JAK2: variants seen among roughly 807,000 people sequenced by gnomAD.
The protein encoded by JAK2 is tyrosine-protein kinase JAK2.
A neutral mutation model predicts 139.3 loss-of-function variants in JAK2; 86 were observed. That is an observed-to-expected ratio of 0.62 (90% CI 0.52 to 0.74). The LOEUF (loss-of-function observed/expected upper bound fraction) is 0.74, where lower values mean the gene tolerates loss of function less well. Among genes scored for constraint, JAK2 ranks in the 30% least tolerant of loss-of-function variants. JAK2 has a pLI of 0.00. For missense variants in JAK2, 1,421 were observed against 1,360.3 expected, an observed-to-expected ratio of 1.04 and a Z score of -0.70; for synonymous variants, 490 against 437.7, an observed-to-expected ratio of 1.12 and a Z score of -1.49.
At chr9:5,062,131 AT>A (rs888233844) in intron 8 of JAK2, among the ~76,000 whole-genome samples, 1 of 151,784 alleles carries the variant, frequency 6.6e-6, no homozygotes, top group Admixed American at 6.6e-5. Flanking sequence ...CTTATATGCA[AT>A]TTTTTTTCAG....
chr9:5,121,222 A>T (rs1325837595), intron 22 of JAK2, among the ~76,000 whole-genome samples: 1 of 152,196 alleles, frequency 6.6e-6, no homozygotes, highest in East Asian at 1.9e-4. Context: ...TTAGAGCAGG[A>T]TGTGATGTGT....
intron 7 of JAK2, 107 bp from the exon 8 acceptor site, chr9:5,055,562 C>T: frequency 1.1e-6 from 1 of 871,324 alleles, no homozygotes. Context: ...TTATCAATAC[C>T]TTTTTTATTT....
At chr9:5,001,787 G>A (rs913114521) in intron 2 of JAK2, among the ~76,000 whole-genome samples, 1 of 151,864 alleles carries the variant, frequency 6.6e-6, no homozygotes, top group Non-Finnish European at 1.5e-5. Flanking sequence ...ACTTTCCCAG[G>A]GAAGTCACTT....
At chr9:5,087,892 TTA>T (rs770896278) in intron 19 of JAK2, among the ~76,000 whole-genome samples, 1 of 152,250 alleles carries the variant, frequency 6.6e-6, no homozygotes, top group Non-Finnish European at 1.5e-5. Context: ...TAGTGTACAT[TTA>T]TGTTTCCAAT....
chr9:5,041,855 C>A lies in JAK2; in HGVS notation c.351-2548C>A, dbSNP rs1816561145. The stretch of plus-strand genomic sequence containing the variant: ...CCACCAATGGGGAGCTGAACGCGGA[C>A]GACCCCATGGCCGGCCACTCCAGCG... On this transcript the variant is annotated intron_variant, in intron 4 of 24. Transcript: ENST00000381652. 3 of 466,006 alleles carry A rather than the reference C, an allele frequency of 6.4e-6. No homozygotes were observed. In the Admixed American group the frequency reaches 7.2e-5, roughly 11 times the overall value. 28.9% of individuals were successfully genotyped at this position (466,006 alleles called of 1,614,324 possible). A position where few individuals can be genotyped will look rare whatever the true frequency, so the allele number is the denominator to read the frequency against.
At chr9:5,117,281 T>A (rs1255295859) in intron 22 of JAK2, among the ~76,000 whole-genome samples, 1 of 152,236 alleles carries the variant, frequency 6.6e-6, no homozygotes, top group Non-Finnish European at 1.5e-5. Context: ...CAGTACATCA[T>A]GTTAATGAGT....
chr9:4,992,224 T>C (rs546493992), intron 2 of JAK2, among the ~76,000 whole-genome samples: 12 of 152,328 alleles, frequency 7.9e-5, no homozygotes, highest in African/African-American at 2.9e-4. Flanking sequence ...AACTGGAGCA[T>C]GTACATGTGG....
intron 8 of JAK2, among the ~76,000 whole-genome samples, chr9:5,058,884 T>A (rs111283471): frequency 9.7e-4 from 148 of 151,968 alleles, no homozygotes; most frequent in African/African-American, 3.3e-3. Flanking sequence ...TTTAATCAGG[T>A]TTTTTTTGCT....
At chr9:5,031,854 T>C (rs2130173667) in intron 4 of JAK2, among the ~76,000 whole-genome samples, 1 of 152,354 alleles carries the variant, frequency 6.6e-6, no homozygotes, top group Admixed American at 6.5e-5. Flanking sequence ...GGGTGATTTC[T>C]GCATTTCCAA....
At chr9:5,019,551 A>T (rs532644214) in intron 2 of JAK2, among the ~76,000 whole-genome samples, 1 of 152,054 alleles carries the variant, frequency 6.6e-6, no homozygotes, top group African/African-American at 2.4e-5. Context: ...TTGCATTGGA[A>T]TCTTTTGGTA....
chr9:5,005,256 G>A (rs1380032000), intron 2 of JAK2, among the ~76,000 whole-genome samples: 3 of 151,348 alleles, frequency 2.0e-5, no homozygotes, highest in African/African-American at 7.3e-5. Flanking sequence ...AGTCTGTATT[G>A]TCCTTTGAGG....
intron 22 of JAK2, among the ~76,000 whole-genome samples, chr9:5,095,762 C>T (rs1820938819): frequency 1.3e-5 from 2 of 152,158 alleles, no homozygotes; most frequent in South Asian, 4.1e-4. Flanking sequence ...AAAATCTTAA[C>T]CTACTCCTCA....
rs1464457690 is a variant in JAK2, at chr9:5,066,691, A to G, written c.1228A>G (p.Ile410Val). The change falls in exon 10 of 25, where the codon ATT (isoleucine) becomes GTT (valine). Residue 410 changes from isoleucine to valine, a missense_variant. Ile to Val is a conservative substitution (Grantham distance 29). Coordinates refer to ENST00000381652, the MANE Select transcript of JAK2 (RefSeq NM_004972.4). ...CHGPISMDFA[I>V]SKLKKAGNQT... The stretch of plus-strand genomic sequence containing the variant: ...CTTTACCTTTAGGATGGATTTTGCC[A>G]TTAGTAAACTGAAGAAAGCAGGTAA... 1.9e-6 allele frequency: 3 copies of G among 1,599,304 alleles called. No individual in the cohort carries two copies. The highest frequency in any genetic ancestry group is 1.3e-5 in the African/African-American group (1 of 74,596).
At chr9:5,106,645 C>T (rs1282477102) in intron 22 of JAK2, among the ~76,000 whole-genome samples, 1 of 152,174 alleles carries the variant, frequency 6.6e-6, no homozygotes, top group Admixed American at 6.5e-5. Flanking sequence ...GACTTGGAAC[C>T]AACCCAAATG....
chr9:5,116,553 G>A (rs956761894), intron 22 of JAK2, among the ~76,000 whole-genome samples: 1 of 152,118 alleles, frequency 6.6e-6, no homozygotes, highest in Non-Finnish European at 1.5e-5. Flanking sequence ...AAAAATTAAA[G>A]AGGTTAAATA....
In JAK2 at chr9:5,103,248, A is replaced by G. The variant is rs1277047406; in HGVS notation, c.3059+12337A>G. 4.1e-5 allele frequency among the ~76,000 whole-genome samples: 6 copies of G among 146,294 alleles called. No individual in the cohort carries two copies. The East Asian group carries it at 1.2e-3, about 29-fold the overall frequency. On this transcript the variant is annotated intron_variant, in intron 22 of 24. Coordinates refer to ENST00000381652, the MANE Select transcript of JAK2 (RefSeq NM_004972.4). ...AAAAAAAAAAAAAAAAAAAAAAAAA[A>G]AAAAAAAGCAGGAGTTGCAATCCCG... is the stretch of plus-strand genomic sequence containing the variant.
chr9:5,087,782 C>T (rs1820248729), intron 19 of JAK2, among the ~76,000 whole-genome samples: 1 of 152,006 alleles, frequency 6.6e-6, no homozygotes, highest in Non-Finnish European at 1.5e-5. Flanking sequence ...ATGTTCTTAT[C>T]TTTTGAACAG....
At chr9:5,097,107 C>G (rs1254819363) in intron 22 of JAK2, 1 of 152,156 alleles carries the variant, frequency 6.6e-6, no homozygotes, top group East Asian at 1.9e-4. Flanking sequence ...TTACCATCTT[C>G]TCACTTCACT....
chr9:5,011,461 A>AT (rs548231787), intron 2 of JAK2, among the ~76,000 whole-genome samples: 196 of 152,324 alleles, frequency 1.3e-3, no homozygotes, highest in African/African-American at 4.5e-3. Context: ...AAATGTTGGG[A>AT]TTAAAGGCAT....
Sources: gnomAD v4.1 joint callset for allele counts (sites outside exome capture counted in the v4.1 genomes callset) on GRCh38, gnomAD v4.1.1 for gene constraint, MANE v1.5 for transcripts, NCBI Gene and HGNC (gene_info 2026-07-23, HGNC 2026-07-21) for gene names.